Variants in SMIM8 observed in about 807,000 individuals in gnomAD.
The protein encoded by SMIM8 is UPF0708 protein C6orf162.
Under a neutral mutation model 8.1 loss-of-function variants are expected in SMIM8, and 8 were observed. That is an observed-to-expected ratio of 0.99 (90% CI 0.58 to 1.78). The LOEUF (loss-of-function observed/expected upper bound fraction) is 1.78, where lower values mean the gene tolerates loss of function less well. Ranked by LOEUF, SMIM8 falls within the 40% of genes most tolerant of loss-of-function variation. The pLI is 0.00. For synonymous variants in SMIM8, 45 were observed against 39.7 expected (o/e 1.13, Z -0.50); for missense variants, 126 against 119.8 (o/e 1.05, Z -0.24).
intron 2 of SMIM8, among the ~76,000 whole-genome samples, chr6:87,331,655 T>C (rs1252943919): frequency 6.6e-6 from 1 of 152,184 alleles, no homozygotes; most frequent in East Asian, 1.9e-4. Context: ...AATTCTTGGC[T>C]GCTAAGACCC....
chr6:87,334,234 G>A (rs778386726), intron 2 of SMIM8, among the ~76,000 whole-genome samples: 4 of 152,120 alleles, frequency 2.6e-5, no homozygotes, highest in Non-Finnish European at 5.9e-5. Flanking sequence ...GATTTAGAGG[G>A]GACAAACATC....
At position 87,340,378 on chromosome 6, in the gene SMIM8, A is replaced by G. The variant is rs1413604602; in HGVS notation, c.*104A>G. The G allele has an allele frequency of 5.9e-6, 7 of 1,185,188 alleles. No individual in the cohort carries two copies. Among genetic ancestry groups the G allele is most frequent in the Non-Finnish European group, 7.6e-6 (7 of 919,480 alleles). The allele number at this position is 1,185,188 out of a possible 1,614,324, so 73.4% of individuals were successfully genotyped here. A position where few individuals can be genotyped will look rare whatever the true frequency, so the allele number is the denominator to read the frequency against. On this transcript the variant is annotated 3_prime_UTR_variant, in exon 4 of 4. Transcript: ENST00000392863. The stretch of plus-strand genomic sequence containing the variant: ...CATGTTTCTTGTTCTAGAACATGCT[A>G]ATGAAGAGAGAAGATAGCAGTTGCA...
Position 87,340,106 on chromosome 6 carries a change from T to C in SMIM8, c.136-10T>C. Reference sequence around the variant, plus strand: ...TTACTAAAGCTTTATAATTTTTTTTTCTTTGACAGAACAAACCTGTAATGG... The same window carrying C: ...TTACTAAAGCTTTATAATTTTTTTTCCTTTGACAGAACAAACCTGTAATGG... On this transcript the variant is annotated splice_polypyrimidine_tract_variant and intron_variant, in intron 3 of 3. Transcript: ENST00000392863. The C allele has an allele frequency of 6.5e-7, 1 of 1,537,598 alleles. No homozygotes were observed. The highest frequency in any genetic ancestry group is 8.7e-7 in the Non-Finnish European group (1 of 1,149,348).
chr6:87,327,365 GT>G (rs1435476387), intron 1 of SMIM8, among the ~76,000 whole-genome samples: 41 of 151,974 alleles, frequency 2.7e-4, no homozygotes, highest in African/African-American at 9.9e-4. Context: ...AGTCTCAATG[GT>G]CTTTACATTT....
chr6:87,324,606 T>G (rs1422654481), intron 1 of SMIM8, among the ~76,000 whole-genome samples: 1 of 150,644 alleles, frequency 6.6e-6, no homozygotes. Flanking sequence ...TTCTGAGGGC[T>G]CTGTTCTATT....
chr6:87,340,122 C>T lies in SMIM8; in HGVS notation c.142C>T (p.Pro48Ser). 2 of 1,564,358 alleles carry T rather than the reference C, an allele frequency of 1.3e-6. No homozygotes were observed. Among genetic ancestry groups the T allele is most frequent in the Non-Finnish European group, 1.7e-6 (2 of 1,160,526 alleles). The change falls in exon 4 of 4, where the codon CCT (proline) becomes TCT (serine). Residue 48 changes from proline (P) to serine (S), a missense_variant. Physicochemically the swap from Pro to Ser is moderately conservative, Grantham distance 74. Coordinates refer to ENST00000392863, the MANE Select transcript of SMIM8 (RefSeq NM_001042493.3). ...ATTTTTTTTTCTTTGACAGAACAAA[C>T]CTGTAATGGCTTTCGGATTGGTAAC... is the stretch of plus-strand genomic sequence containing the variant. ...NPELFIKPNKPVMAFGLVTLS... is the reference protein window; with the variant it reads ...NPELFIKPNKSVMAFGLVTLS...
chr6:87,327,319 C>T (rs184750640), intron 1 of SMIM8, among the ~76,000 whole-genome samples: 2,279 of 151,680 alleles, frequency 0.015, 59 homozygotes, highest in African/African-American at 0.052. Context: ...TATGTTAGCT[C>T]GTTATTTTGC....
chr6:87,325,024 T>G (rs12190249), intron 1 of SMIM8, among the ~76,000 whole-genome samples: 94,593 of 151,434 alleles, frequency 0.62, 29,953 homozygotes, highest in African/African-American at 0.7. Context: ...TTTATTCTCT[T>G]TGAAGCAATT....
intron 2 of SMIM8, among the ~76,000 whole-genome samples, chr6:87,336,397 A>G (rs1251929369): frequency 1.3e-5 from 2 of 152,236 alleles, no homozygotes; most frequent in East Asian, 3.8e-4. Context: ...TATTCAGATT[A>G]AGGAGATAGC....
intron 1 of SMIM8, among the ~76,000 whole-genome samples, chr6:87,328,231 G>A (rs1277469177): frequency 4.6e-5 from 7 of 152,110 alleles, no homozygotes; most frequent in African/African-American, 1.7e-4. Flanking sequence ...TAATTTGATC[G>A]TGTGAAGCCT....
chr6:87,324,241 G>A (rs577106091), intron 1 of SMIM8, among the ~76,000 whole-genome samples: 195 of 152,248 alleles, frequency 1.3e-3, no homozygotes, highest in Non-Finnish European at 2.1e-3. Context: ...TCACTCTGAT[G>A]GTAGTTTCTT....
At chr6:87,339,427 TG>T (rs1377399149) in intron 3 of SMIM8, among the ~76,000 whole-genome samples, 11 of 88,124 alleles carry the variant, frequency 1.2e-4, no homozygotes, top group African/African-American at 5.1e-4. Context: ...TGTGTGTGTG[TG>T]TGTGTGTTTG....
intron 3 of SMIM8, among the ~76,000 whole-genome samples, chr6:87,337,492 G>C (rs1041218487): frequency 6.6e-6 from 1 of 152,090 alleles, no homozygotes; most frequent in Admixed American, 6.5e-5. Flanking sequence ...GTACTATTAG[G>C]TAAATAAGAC....
intron 2 of SMIM8, 122 bp from the exon 3 acceptor site, chr6:87,336,887 A>G (rs1562224835): frequency 7.9e-6 from 5 of 630,772 alleles, no homozygotes; most frequent in Non-Finnish European, 1.2e-5. Context: ...AAGATAACTG[A>G]CAATCACATT....
rs531732801 is a variant in SMIM8, at chr6:87,324,556, G to T, written c.-45+1924G>T. ...TTTCCCCATTGCTTGTTTTTCTCAG[G>T]TTTGTCAAAGATCAGATAGTTGTAG... On this transcript the variant is annotated intron_variant, in intron 1 of 3. Transcript: ENST00000392863. Among the ~76,000 whole-genome samples the T allele has an allele frequency of 4.6e-3, 695 of 150,780 alleles. 5 individuals carry two copies. Among genetic ancestry groups the T allele is most frequent in the African/African-American group, 0.016 (649 of 40,838 alleles).
chr6:87,325,298 A>G (rs901240213), intron 1 of SMIM8, among the ~76,000 whole-genome samples: 1 of 145,486 alleles, frequency 6.9e-6, no homozygotes, highest in Non-Finnish European at 1.5e-5. Context: ...AACTTCCAAC[A>G]CTATGTTGAA....
chr6:87,331,858 A>C (rs1210307590), intron 2 of SMIM8, among the ~76,000 whole-genome samples: 1 of 152,198 alleles, frequency 6.6e-6, no homozygotes, highest in Non-Finnish European at 1.5e-5. Flanking sequence ...AAAGAATGAT[A>C]AATAATAGAA....
intron 3 of SMIM8, 131 bp downstream of exon 3, chr6:87,337,297 C>A: frequency 3.1e-6 from 3 of 982,826 alleles, no homozygotes; most frequent in South Asian, 2.8e-5. Context: ...TGAATAAAAG[C>A]AGGTGGAAGG....
intron 2 of SMIM8, among the ~76,000 whole-genome samples, chr6:87,333,148 C>G (rs1411375994): frequency 6.6e-6 from 1 of 152,140 alleles, no homozygotes; most frequent in Admixed American, 6.5e-5. Flanking sequence ...TGATGGTGAT[C>G]TGGCATGTGC....
Sources: gnomAD v4.1 joint callset for allele counts (sites outside exome capture counted in the v4.1 genomes callset) on GRCh38, gnomAD v4.1.1 for gene constraint, MANE v1.5 for transcripts, NCBI Gene and HGNC (gene_info 2026-07-23, HGNC 2026-07-21) for gene names.